NRXN3: variants seen among roughly 807,000 people sequenced by gnomAD.
NRXN3 encodes the protein neurexin 3, also known as neurexin III.
In NRXN3, 32 loss-of-function variants were observed where a neutral mutation model predicts 137.6. The observed-to-expected ratio is 0.23, with a 90% CI of 0.18 to 0.31. The LOEUF (loss-of-function observed/expected upper bound fraction) is 0.31, where lower values mean the gene tolerates loss of function less well. Ranked by LOEUF, NRXN3 falls within the 10% of genes least tolerant of loss-of-function variation. The pLI, the probability that NRXN3 is intolerant of heterozygous loss-of-function variation, is 1.00. For missense variants in NRXN3, 1,574 were observed against 2,062.5 expected (o/e 0.76, Z 4.59); for synonymous variants, 798 against 784.5 (o/e 1.02, Z -0.29).
At chr14:79,439,712 T>C (rs1447229722) in intron 15 of NRXN3, among the ~76,000 whole-genome samples, 1 of 152,220 alleles carries the variant, frequency 6.6e-6, no homozygotes, top group Non-Finnish European at 1.5e-5. Context: ...TGTCAAGCCA[T>C]GTTAAAATTT....
In NRXN3 at chr14:79,819,482, C is replaced by CTTTTTTTTTTTTT. The variant is rs58492725; in HGVS notation, c.4093+14300_4093+14312dup. On this transcript the variant is annotated intron_variant, in intron 20 of 20. Transcript: ENST00000335750. ...ATAGGATACAACAGGACATTAAAAG[C>CTTTTTTTTTTTTT]TTTTTTTTTTTTTTTTTTTTGAGAC... Among the ~76,000 whole-genome samples the CTTTTTTTTTTTTT allele has an allele frequency of 2.3e-3, 164 of 71,918 alleles. 21 individuals carry two copies. Among genetic ancestry groups the CTTTTTTTTTTTTT allele is most frequent in the African/African-American group, 4.2e-3 (66 of 15,638 alleles). 47.2% of individuals were successfully genotyped at this position (71,918 alleles called of 152,430 possible). A position where few individuals can be genotyped will look rare whatever the true frequency, so the allele number is the denominator to read the frequency against.
rs532752223 is a variant in NRXN3 at position 78,307,740 on chromosome 14, C to A, written c.757+9880C>A. ...CTGATTGTAAAAGTGCTGCATCTTT[C>A]ATTAAAATTTACATGTAAAGCAAGG... On this transcript the variant is annotated intron_variant, in intron 4 of 20. Coordinates refer to ENST00000335750, the MANE Select transcript of NRXN3 (RefSeq NM_001330195.2). Among the ~76,000 whole-genome samples the A allele has an allele frequency of 3.3e-5, 5 of 152,168 alleles. No individual in the cohort carries two copies. The South Asian group carries it at 1.0e-3, about 32-fold the overall frequency.
chr14:79,532,031 A>G (rs1344694339), intron 16 of NRXN3, among the ~76,000 whole-genome samples: 1 of 152,138 alleles, frequency 6.6e-6, no homozygotes, highest in Non-Finnish European at 1.5e-5. Flanking sequence ...TCAGGGGTGA[A>G]AAGTGTCATT....
intron 15 of NRXN3, among the ~76,000 whole-genome samples, chr14:79,262,397 AAAG>A (rs1318257675): frequency 6.6e-6 from 1 of 151,586 alleles, no homozygotes; most frequent in Non-Finnish European, 1.5e-5. Context: ...AAGGAAGAAG[AAAG>A]GAGGAGGAGG....
chr14:78,638,596 T>C (rs2097586043), intron 4 of NRXN3, among the ~76,000 whole-genome samples: 1 of 152,084 alleles, frequency 6.6e-6, no homozygotes, highest in Admixed American at 6.5e-5. Flanking sequence ...GAATTTCTAC[T>C]TTCCCCTCAC....
intron 15 of NRXN3, among the ~76,000 whole-genome samples, chr14:79,386,753 G>C (rs1473528937): frequency 6.6e-6 from 1 of 152,074 alleles, no homozygotes; most frequent in Non-Finnish European, 1.5e-5. Context: ...CCAAAACAGA[G>C]ATATAGATCA....
intron 10 of NRXN3, among the ~76,000 whole-genome samples, chr14:78,895,921 TGCC>T (rs750387777): frequency 6.6e-6 from 1 of 151,870 alleles, no homozygotes; most frequent in Non-Finnish European, 1.5e-5. Flanking sequence ...TGATTTGTGT[TGCC>T]TTCAAAGAAT....
intron 15 of NRXN3, among the ~76,000 whole-genome samples, chr14:79,202,469 G>A (rs186979060): frequency 5.3e-5 from 8 of 151,858 alleles, no homozygotes; most frequent in African/African-American, 1.9e-4. Context: ...TGAGATTTTG[G>A]TGCACCCATT....
intron 15 of NRXN3, among the ~76,000 whole-genome samples, chr14:79,255,713 C>T (rs878927483): frequency 5.3e-5 from 8 of 152,174 alleles, no homozygotes; most frequent in Admixed American, 2.6e-4. Context: ...GGATTATGCC[C>T]TCTGAAATTG....
chr14:78,638,382 T>A (rs1292990971), intron 4 of NRXN3, among the ~76,000 whole-genome samples: 4 of 152,170 alleles, frequency 2.6e-5, no homozygotes, highest in African/African-American at 7.2e-5. Flanking sequence ...TTTTGTTGTT[T>A]GTCCTTGGGG....
chr14:78,422,743 G>C (rs2093499447), intron 4 of NRXN3, among the ~76,000 whole-genome samples: 1 of 152,194 alleles, frequency 6.6e-6, no homozygotes, highest in African/African-American at 2.4e-5. Context: ...TTCACAAAAT[G>C]AAGTGGTTAA....
chr14:79,145,365 C>A (rs1023916799), intron 15 of NRXN3, among the ~76,000 whole-genome samples: 4 of 152,046 alleles, frequency 2.6e-5, no homozygotes, highest in African/African-American at 9.7e-5. Flanking sequence ...AACTTTAGTA[C>A]CAGAGACCGA....
chr14:79,449,057 A>G (rs2096119851), intron 15 of NRXN3, among the ~76,000 whole-genome samples: 1 of 152,182 alleles, frequency 6.6e-6, no homozygotes, highest in Admixed American at 6.5e-5. Context: ...AGAACAAATG[A>G]TAACTGAGCC....
chr14:78,320,378 G>T (rs1274815499), intron 4 of NRXN3, among the ~76,000 whole-genome samples: 2 of 152,228 alleles, frequency 1.3e-5, no homozygotes, highest in Non-Finnish European at 2.9e-5. Context: ...TCCTGGAAGC[G>T]TGGAGTGGGC....
Position 79,866,561 on chromosome 14 carries a change from G to C in NRXN3, c.*4597G>C, listed in dbSNP as rs1408662298. 6.6e-6 allele frequency: 1 copy of C among 152,184 alleles called. No homozygotes were observed. The highest frequency in any genetic ancestry group is 1.9e-4 in the East Asian group (1 of 5,186). The allele number at this position is 152,184 out of a possible 1,614,324, so 9.4% of individuals were successfully genotyped here. A position where few individuals can be genotyped will look rare whatever the true frequency, so the allele number is the denominator to read the frequency against. ...TTGGATTGATGACAGACTGCAAAAA[G>C]TACATTGGAGGAAGATATGAGTAGG... On this transcript the variant is annotated 3_prime_UTR_variant, in exon 21 of 21. Transcript: ENST00000335750.
chr14:79,125,712 G>T (rs1431278941), intron 15 of NRXN3, among the ~76,000 whole-genome samples: 1 of 152,094 alleles, frequency 6.6e-6, no homozygotes, highest in Non-Finnish European at 1.5e-5. Context: ...TCCTGAATTA[G>T]TCTTAGCCCA....
intron 16 of NRXN3, among the ~76,000 whole-genome samples, chr14:79,477,801 A>G (rs182161527): frequency 6.6e-6 from 1 of 152,254 alleles, no homozygotes; most frequent in Admixed American, 6.6e-5. Flanking sequence ...GAAGGTAATG[A>G]GGATAAAACC....
rs1423158643 is a variant in NRXN3 at position 78,421,854 on chromosome 14, G to T, written c.757+123994G>T. Among the ~76,000 whole-genome samples, 4 of 152,044 alleles carry T rather than the reference G, an allele frequency of 2.6e-5. No homozygotes were observed. The East Asian group carries it at 7.8e-4, about 30-fold the overall frequency. ...TTAATTTTCCTATTTACATCTTTCTGATTAACTTTTTCCCTTATAATCACA... is the reference window on the plus strand; with the variant it reads ...TTAATTTTCCTATTTACATCTTTCTTATTAACTTTTTCCCTTATAATCACA... On this transcript the variant is annotated intron_variant, in intron 4 of 20. Transcript: ENST00000335750.
intron 4 of NRXN3, among the ~76,000 whole-genome samples, chr14:78,462,442 C>A (rs753186524): frequency 9.9e-5 from 15 of 152,106 alleles, no homozygotes; most frequent in Non-Finnish European, 2.1e-4. Flanking sequence ...TCAAGTTCAA[C>A]GTATGAGACA....
Sources: gnomAD v4.1 joint callset for allele counts (sites outside exome capture counted in the v4.1 genomes callset) on GRCh38, gnomAD v4.1.1 for gene constraint, MANE v1.5 for transcripts, NCBI Gene and HGNC (gene_info 2026-07-23, HGNC 2026-07-21) for gene names.